Variants in C9orf153 observed in about 807,000 individuals in gnomAD.
C9orf153 encodes uncharacterized protein C9orf153.
In C9orf153, 10 loss-of-function variants were observed where a neutral mutation model predicts 9.0. That is an observed-to-expected ratio of 1.11 (90% CI 0.69 to 1.89). The LOEUF (loss-of-function observed/expected upper bound fraction) is 1.89. Among genes scored for constraint, C9orf153 ranks in the 40% most tolerant of loss-of-function variants. The probability of loss-of-function intolerance (pLI) is 0.00; values close to 1 mark genes in which losing one functional copy is unlikely to be tolerated. For synonymous variants in C9orf153, 35 were observed against 37.3 expected, an observed-to-expected ratio of 0.94 and a Z score of 0.23; for missense variants, 108 against 111.0, an observed-to-expected ratio of 0.97 and a Z score of 0.12.
At chr9:86,232,551 A>G (rs1824494615) in intron 1 of C9orf153, among the ~76,000 whole-genome samples, 1 of 152,066 alleles carries the variant, frequency 6.6e-6, no homozygotes, top group Non-Finnish European at 1.5e-5. Flanking sequence ...TTGTACTGTG[A>G]AGAGCAAGGG....
intron 1 of C9orf153, among the ~76,000 whole-genome samples, chr9:86,257,391 C>G (rs912710351): frequency 2.0e-5 from 3 of 152,176 alleles, no homozygotes; most frequent in Admixed American, 1.3e-4. Flanking sequence ...GAACAGCAGG[C>G]CTTTTAAGCT....
chr9:86,254,454 T>C (rs1247407747), intron 1 of C9orf153, among the ~76,000 whole-genome samples: 2 of 152,240 alleles, frequency 1.3e-5, no homozygotes, highest in African/African-American at 2.4e-5. Context: ...CAGCAACTTA[T>C]ATAAAAACAG....
At chr9:86,254,639 T>A (rs1055163584) in intron 1 of C9orf153, among the ~76,000 whole-genome samples, 6 of 152,220 alleles carry the variant, frequency 3.9e-5, no homozygotes, top group African/African-American at 1.4e-4. Flanking sequence ...TTTCTTCTGT[T>A]TCCATAGAAA....
chr9:86,221,517 T>C lies in C9orf153; in HGVS notation c.*171A>G. 2 of 1,373,344 alleles carry C rather than the reference T, an allele frequency of 1.5e-6. No homozygotes were observed. The highest frequency in any genetic ancestry group is 1.5e-5 in the African/African-American group (1 of 67,318). The allele number at this position is 1,373,344 out of a possible 1,614,324, so 85.1% of individuals were successfully genotyped here. On this transcript the variant is annotated 3_prime_UTR_variant, in exon 4 of 4. Transcript: ENST00000339137. ...ACACTACATATTCCATTTAAGAGAATAACTTCCTTCATTTTGATAATCAAT... is the reference window on the plus strand; with the variant it reads ...ACACTACATATTCCATTTAAGAGAACAACTTCCTTCATTTTGATAATCAAT...
chr9:86,239,337 TTTTC>T (rs1193391828), intron 1 of C9orf153, among the ~76,000 whole-genome samples: 10 of 152,180 alleles, frequency 6.6e-5, no homozygotes, highest in Admixed American at 6.6e-4. Context: ...GAAATTTGTG[TTTTC>T]TTTCTTACAA....
intron 1 of C9orf153, among the ~76,000 whole-genome samples, chr9:86,233,828 T>G (rs1824522056): frequency 6.6e-6 from 1 of 152,200 alleles, no homozygotes. Flanking sequence ...CTGGCGCCTG[T>G]AATCCTAGCA....
chr9:86,239,139 T>C (rs1051873479), intron 1 of C9orf153, among the ~76,000 whole-genome samples: 1 of 151,832 alleles, frequency 6.6e-6, no homozygotes, highest in African/African-American at 2.4e-5. Context: ...CGCATGCCTG[T>C]AGTCCCAGCT....
At chr9:86,257,550 T>C (rs1353594357) in intron 1 of C9orf153, among the ~76,000 whole-genome samples, 2 of 152,220 alleles carry the variant, frequency 1.3e-5, no homozygotes, top group Admixed American at 1.3e-4. Flanking sequence ...CTAATGGACT[T>C]TCCTGGCTGA....
intron 1 of C9orf153, among the ~76,000 whole-genome samples, chr9:86,257,856 A>T (rs1003788815): frequency 2.0e-5 from 3 of 152,192 alleles, no homozygotes; most frequent in Non-Finnish European, 2.9e-5. Context: ...TGGATGACAA[A>T]GGTGACAGTG....
At chr9:86,228,948 A>G (rs1824401076) in intron 2 of C9orf153, 2 of 273,648 alleles carry the variant, frequency 7.3e-6, no homozygotes, top group South Asian at 6.0e-5. Flanking sequence ...GTGCAGGAAT[A>G]TATGGATGCA....
At chr9:86,225,808 A>C (rs1824318391) in intron 3 of C9orf153, among the ~76,000 whole-genome samples, 1 of 152,122 alleles carries the variant, frequency 6.6e-6, no homozygotes, top group South Asian at 2.1e-4. Context: ...AATAGACATG[A>C]CATGTACCAG....
intron 1 of C9orf153, among the ~76,000 whole-genome samples, chr9:86,255,322 G>T (rs993820549): frequency 6.6e-6 from 1 of 152,116 alleles, no homozygotes; most frequent in South Asian, 2.1e-4. Context: ...TACATTTTGA[G>T]GTGTCTGTTC....
intron 1 of C9orf153, among the ~76,000 whole-genome samples, chr9:86,254,558 C>A (rs1825069052): frequency 6.6e-6 from 1 of 152,174 alleles, no homozygotes; most frequent in Non-Finnish European, 1.5e-5. Context: ...ATTGCTACTG[C>A]AATCTGATGA....
intron 2 of C9orf153, 74 bp from the exon 3 acceptor site, chr9:86,228,104 A>T (rs535157671): frequency 2.8e-6 from 3 of 1,082,592 alleles, no homozygotes; most frequent in African/African-American, 3.2e-5. Context: ...TACAAACCCT[A>T]GAAAAAACCA....
chr9:86,222,057 T>C (rs1563995622), intron 3 of C9orf153, among the ~76,000 whole-genome samples: 1 of 152,086 alleles, frequency 6.6e-6, no homozygotes, highest in South Asian at 2.1e-4. Flanking sequence ...GGTTACTTTT[T>C]TTGTATTTTT....
intron 1 of C9orf153, among the ~76,000 whole-genome samples, chr9:86,255,932 C>T (rs1460677566): frequency 6.6e-6 from 1 of 152,146 alleles, no homozygotes; most frequent in African/African-American, 2.4e-5. Context: ...GGAAGGAGAA[C>T]TTTGATTTAA....
At chr9:86,233,066 A>T (rs1221846694) in intron 1 of C9orf153, among the ~76,000 whole-genome samples, 1 of 151,960 alleles carries the variant, frequency 6.6e-6, no homozygotes, top group African/African-American at 2.4e-5. Context: ...ATTTCCCCTC[A>T]GTTATCCTCC....
chr9:86,229,890 A>T (rs374025608), intron 1 of C9orf153, among the ~76,000 whole-genome samples: 2 of 152,240 alleles, frequency 1.3e-5, no homozygotes, highest in East Asian at 3.9e-4. Context: ...GAAACTTACA[A>T]TTATTGGGGG....
chr9:86,235,065 G>A (rs1824551396), intron 1 of C9orf153, among the ~76,000 whole-genome samples: 1 of 152,156 alleles, frequency 6.6e-6, no homozygotes, highest in Non-Finnish European at 1.5e-5. Context: ...CTCGAGAACA[G>A]GGCAGAAGCC....
Sources: gnomAD v4.1 joint callset for allele counts (sites outside exome capture counted in the v4.1 genomes callset) on GRCh38, gnomAD v4.1.1 for gene constraint, MANE v1.5 for transcripts, NCBI Gene and HGNC (gene_info 2026-07-23, HGNC 2026-07-21) for gene names.